SLC24A3: variants seen among roughly 807,000 people sequenced by gnomAD.
The protein encoded by SLC24A3 is solute carrier family 24 member 3, also known as sodium/potassium/calcium exchanger 3.
SLC24A3 carries 28 observed loss-of-function variants against 75.8 expected under a neutral mutation model. The ratio of observed to expected loss-of-function variants is 0.37; its 90% CI spans 0.27 to 0.51. The LOEUF is 0.51. SLC24A3 is among the 20% of genes least tolerant of loss of function. The pLI is 0.94. For missense variants in SLC24A3, 663 were observed against 847.8 expected (o/e 0.78, Z 2.71); for synonymous variants, 372 against 334.1 (o/e 1.11, Z -1.24).
At chr20:19,654,242 G>T (rs1178091697) in intron 7 of SLC24A3, 106 bp downstream of exon 7, 8 of 963,002 alleles carry the variant, frequency 8.3e-6, no homozygotes, top group Non-Finnish European at 1.3e-5. Context: ...GGTGGCGAGT[G>T]CGAGATGCAT....
Position 19,678,348 on chromosome 20 carries a change from C to T in SLC24A3, c.768-3510C>T, listed in dbSNP as rs1476924702. On this transcript the variant is annotated intron_variant, in intron 9 of 16. Transcript: ENST00000328041. ...GGCCGGGCGGGGGGCTGACCCCCCC[C>T]ACCTCCCTCCCGGACGGGGCGGCTG... 4.9e-5 allele frequency among the ~76,000 whole-genome samples: 6 copies of T among 121,578 alleles called. No homozygotes were observed. In the East Asian group the frequency reaches 1.2e-3, roughly 24 times the overall value. The allele number at this position is 121,578 out of a possible 152,430, so 79.8% of individuals were successfully genotyped here. A position where few individuals can be genotyped will look rare whatever the true frequency, so the allele number is the denominator to read the frequency against.
chr20:19,414,585 G>T (rs867678782), intron 2 of SLC24A3, among the ~76,000 whole-genome samples: 2 of 152,216 alleles, frequency 1.3e-5, no homozygotes, highest in South Asian at 2.1e-4. Flanking sequence ...TTTCAAAACC[G>T]TAAAGAGACT....
intron 2 of SLC24A3, among the ~76,000 whole-genome samples, chr20:19,302,162 G>A (rs1019853373): frequency 2.0e-5 from 3 of 152,164 alleles, no homozygotes; most frequent in Non-Finnish European, 4.4e-5. Flanking sequence ...TGAACTTCAG[G>A]GAAGACTCTC....
chr20:19,322,517 A>G (rs1482077064), intron 2 of SLC24A3, among the ~76,000 whole-genome samples: 24 of 152,138 alleles, frequency 1.6e-4, no homozygotes, highest in Admixed American at 1.6e-3. Context: ...TTAAGCTGAC[A>G]TGGTCCTAAC....
intron 3 of SLC24A3, among the ~76,000 whole-genome samples, chr20:19,519,631 C>A (rs894585193): frequency 6.6e-6 from 1 of 152,194 alleles, no homozygotes; most frequent in Non-Finnish European, 1.5e-5. Flanking sequence ...TGCTTTATAT[C>A]TAATCTATTA....
intron 1 of SLC24A3, chr20:19,261,963 G>A (rs138417832): frequency 6.6e-6 from 1 of 152,356 alleles, no homozygotes; most frequent in East Asian, 1.9e-4. Context: ...GTCAAGGCAG[G>A]TAGGATCAAT....
intron 2 of SLC24A3, among the ~76,000 whole-genome samples, chr20:19,501,923 C>A (rs1354493910): frequency 3.3e-5 from 5 of 152,120 alleles, no homozygotes; most frequent in Non-Finnish European, 7.3e-5. Context: ...TGACTCCAGG[C>A]AGCATAAGTT....
intron 2 of SLC24A3, among the ~76,000 whole-genome samples, chr20:19,316,346 G>A (rs1252008225): frequency 6.6e-6 from 1 of 152,164 alleles, no homozygotes. Context: ...TGAAATAAAG[G>A]CTTACCAGGG....
chr20:19,267,909 T>C (rs1461358064), intron 1 of SLC24A3, among the ~76,000 whole-genome samples: 3 of 152,206 alleles, frequency 2.0e-5, no homozygotes, highest in African/African-American at 7.2e-5. Flanking sequence ...CATATTTATA[T>C]CACTTGTCTT....
intron 3 of SLC24A3, among the ~76,000 whole-genome samples, chr20:19,516,991 T>G (rs1267645353): frequency 6.6e-6 from 1 of 152,144 alleles, no homozygotes; most frequent in Non-Finnish European, 1.5e-5. Context: ...CTGGGTAAAA[T>G]CAATCAACTC....
intron 6 of SLC24A3, among the ~76,000 whole-genome samples, chr20:19,620,792 C>G (rs1482532489): frequency 6.6e-6 from 1 of 152,138 alleles, no homozygotes; most frequent in East Asian, 1.9e-4. Context: ...GGCAATAACT[C>G]TGGCCTCATT....
At chr20:19,543,443 A>C (rs532928610) in intron 3 of SLC24A3, among the ~76,000 whole-genome samples, 1 of 152,370 alleles carries the variant, frequency 6.6e-6, no homozygotes, top group Admixed American at 6.5e-5. Flanking sequence ...ACTATGTAGC[A>C]TTTATTCAGT....
At chr20:19,603,092 C>A (rs117949481) in intron 6 of SLC24A3, among the ~76,000 whole-genome samples, 1 of 152,314 alleles carries the variant, frequency 6.6e-6, no homozygotes, top group Non-Finnish European at 1.5e-5. Context: ...TGGCACTAGT[C>A]ATGGAACCAA....
At chr20:19,398,861 G>GT (rs1298508313) in intron 2 of SLC24A3, among the ~76,000 whole-genome samples, 1 of 152,154 alleles carries the variant, frequency 6.6e-6, no homozygotes, top group Non-Finnish European at 1.5e-5. Context: ...AGCTAGACAA[G>GT]TTTTGTGTGC....
intron 2 of SLC24A3, among the ~76,000 whole-genome samples, chr20:19,290,732 T>C (rs970588316): frequency 2.0e-5 from 3 of 152,180 alleles, no homozygotes; most frequent in Non-Finnish European, 4.4e-5. Flanking sequence ...GGGTGGTCTC[T>C]GTCAAGCTGG....
chr20:19,705,954 G>A (rs1370389291), intron 15 of SLC24A3, among the ~76,000 whole-genome samples: 2 of 152,154 alleles, frequency 1.3e-5, no homozygotes, highest in African/African-American at 2.4e-5. Flanking sequence ...TTCCATTATG[G>A]TGATGAACGT....
chr20:19,362,495 A>T, intron 2 of SLC24A3, among the ~76,000 whole-genome samples: 1 of 152,378 alleles, frequency 6.6e-6, no homozygotes, highest in South Asian at 2.1e-4. Flanking sequence ...GGCAAAGCAG[A>T]TTAAAGGGCC....
intron 1 of SLC24A3, among the ~76,000 whole-genome samples, chr20:19,252,826 G>C (rs1982704691): frequency 2.0e-5 from 3 of 152,270 alleles, no homozygotes; most frequent in Non-Finnish European, 4.4e-5. Context: ...CCTCCAGTAT[G>C]GGGGAGGGGT....
intron 6 of SLC24A3, among the ~76,000 whole-genome samples, chr20:19,648,132 G>A (rs2032160055): frequency 1.3e-5 from 2 of 152,276 alleles, no homozygotes; most frequent in Middle Eastern, 3.4e-3. Context: ...TGTACTTCAT[G>A]AGCAGACAGT....
Sources: allele counts gnomAD v4.1 joint callset (sites outside exome capture counted in the v4.1 genomes callset), GRCh38; gene constraint gnomAD v4.1.1; transcripts MANE v1.5; gene names NCBI Gene and HGNC (gene_info 2026-07-23, HGNC 2026-07-21).